The following GPR158 variants were observed in gnomAD, a reference collection of about 807,000 sequenced individuals.
GPR158 encodes the protein metabotropic glycine receptor.
GPR158 carries 30 observed loss-of-function variants against 78.2 expected under a neutral mutation model. The ratio of observed to expected loss-of-function variants is 0.38; its 90% CI spans 0.29 to 0.52. The LOEUF is 0.52. Among genes scored for constraint, GPR158 ranks in the 20% least tolerant of loss-of-function variants. The pLI, the probability that GPR158 is intolerant of heterozygous loss-of-function variation, is 0.83. For missense variants in GPR158, 1,463 were observed against 1,523.5 expected, an observed-to-expected ratio of 0.96 and a Z score of 0.66; for synonymous variants, 581 against 591.1, an observed-to-expected ratio of 0.98 and a Z score of 0.25.
intron 4 of GPR158, among the ~76,000 whole-genome samples, chr10:25,438,297 C>T (rs1205303799): frequency 6.6e-6 from 1 of 152,018 alleles, no homozygotes; most frequent in African/African-American, 2.4e-5. Flanking sequence ...TACTGAAAGC[C>T]CAGATCGGGT....
intron 2 of GPR158, among the ~76,000 whole-genome samples, chr10:25,315,537 TG>T (rs560792783): frequency 6.6e-6 from 1 of 152,276 alleles, no homozygotes; most frequent in South Asian, 2.1e-4. Context: ...TGAACTAAAT[TG>T]AAAAATTTGG....
chr10:25,237,058 C>G (rs973429368), intron 2 of GPR158, among the ~76,000 whole-genome samples: 1 of 152,112 alleles, frequency 6.6e-6, no homozygotes, highest in Non-Finnish European at 1.5e-5. Flanking sequence ...CCGGAGTGAT[C>G]GATTGCTAAT....
At chr10:25,509,646 A>G (rs1320025883) in intron 5 of GPR158, among the ~76,000 whole-genome samples, 1 of 152,220 alleles carries the variant, frequency 6.6e-6, no homozygotes, top group Non-Finnish European at 1.5e-5. Flanking sequence ...AAACATGCCC[A>G]TGTTCAAAGG....
intron 5 of GPR158, among the ~76,000 whole-genome samples, chr10:25,472,572 A>G (rs1290645300): frequency 1.3e-5 from 2 of 152,140 alleles, no homozygotes; most frequent in African/African-American, 2.4e-5. Flanking sequence ...CATTTTCACG[A>G]TATTGACTCT....
chr10:25,192,698 G>T (rs1364575823), intron 1 of GPR158, among the ~76,000 whole-genome samples: 2 of 151,774 alleles, frequency 1.3e-5, no homozygotes, highest in Non-Finnish European at 2.9e-5. Context: ...TCCGATTTAT[G>T]ATGGTTCTAC....
chr10:25,391,280 A>G (rs991185438), intron 2 of GPR158, among the ~76,000 whole-genome samples: 1 of 152,162 alleles, frequency 6.6e-6, no homozygotes, highest in Admixed American at 6.5e-5. Flanking sequence ...CTGTGAGAAG[A>G]GGACCACCAT....
chr10:25,368,772 C>T (rs1833943457), intron 2 of GPR158, among the ~76,000 whole-genome samples: 2 of 50,364 alleles, frequency 4.0e-5, no homozygotes, highest in African/African-American at 1.8e-4. Context: ...GCAGTATGGC[C>T]ATTTTCATAT....
intron 10 of GPR158, among the ~76,000 whole-genome samples, chr10:25,597,417 A>G (rs966736916): frequency 6.6e-6 from 1 of 152,232 alleles, no homozygotes; most frequent in African/African-American, 2.4e-5. Flanking sequence ...TCCTTGATGC[A>G]AGGTTAGAAT....
At chr10:25,357,054 G>A (rs1588821172) in intron 2 of GPR158, among the ~76,000 whole-genome samples, 1 of 152,066 alleles carries the variant, frequency 6.6e-6, no homozygotes, top group South Asian at 2.1e-4. Flanking sequence ...TGGAGCAAAG[G>A]TGATGCTTGT....
chr10:25,459,379 G>T (rs2130610135), intron 4 of GPR158, among the ~76,000 whole-genome samples: 1 of 152,046 alleles, frequency 6.6e-6, no homozygotes, highest in South Asian at 2.1e-4. Flanking sequence ...TAGTTCTATT[G>T]CTCTCTCATA....
At chr10:25,268,476 T>C (rs553007765) in intron 2 of GPR158, among the ~76,000 whole-genome samples, 3 of 152,248 alleles carry the variant, frequency 2.0e-5, no homozygotes, top group South Asian at 2.1e-4. Flanking sequence ...TTGAGTTATA[T>C]ATGTGGAATT....
chr10:25,378,074 T>C (rs1205971416), intron 2 of GPR158, among the ~76,000 whole-genome samples: 1 of 152,142 alleles, frequency 6.6e-6, no homozygotes, highest in East Asian at 1.9e-4. Context: ...AGGTGTGAAG[T>C]AGTATCTCAT....
intron 5 of GPR158, among the ~76,000 whole-genome samples, chr10:25,474,282 TAA>T (rs1835550405): frequency 6.6e-6 from 1 of 152,114 alleles, no homozygotes; most frequent in Admixed American, 6.6e-5. Flanking sequence ...TGTAAAATAA[TAA>T]GTCAATGTTG....
intron 2 of GPR158, among the ~76,000 whole-genome samples, chr10:25,320,501 G>A (rs1339597713): frequency 6.6e-6 from 1 of 152,164 alleles, no homozygotes. Context: ...AAATCACATT[G>A]AGATGGCCTT....
intron 2 of GPR158, among the ~76,000 whole-genome samples, chr10:25,365,037 T>C (rs1855697886): frequency 6.6e-6 from 1 of 151,662 alleles, no homozygotes; most frequent in Non-Finnish European, 1.5e-5. Context: ...CTAAAGTACT[T>C]GAAAACATTT....
At chr10:25,433,584 C>T (rs929783717) in intron 4 of GPR158, among the ~76,000 whole-genome samples, 12 of 139,250 alleles carry the variant, frequency 8.6e-5, no homozygotes, top group East Asian at 2.0e-4. Context: ...CGCGCGCGTG[C>T]GCGTGCGCAT....
At chr10:25,587,238 G>A (rs531342453) in intron 7 of GPR158, among the ~76,000 whole-genome samples, 1 of 152,218 alleles carries the variant, frequency 6.6e-6, no homozygotes, top group South Asian at 2.1e-4. Flanking sequence ...TCCTGAAAAA[G>A]GAACTCAGAT....
At chr10:25,527,805 C>G (rs937549915) in intron 5 of GPR158, among the ~76,000 whole-genome samples, 1 of 151,316 alleles carries the variant, frequency 6.6e-6, no homozygotes, top group African/African-American at 2.4e-5. Flanking sequence ...CAAGACTGAT[C>G]AAGAAAAAAA....
intron 5 of GPR158, among the ~76,000 whole-genome samples, chr10:25,485,068 G>A (rs2987834): frequency 0.51 from 78,031 of 151,638 alleles, 20,293 homozygotes; most frequent in East Asian, 0.8. Flanking sequence ...CTAAGAATAT[G>A]CGAAATACCT....
Sources: gnomAD v4.1 joint callset for allele counts (sites outside exome capture counted in the v4.1 genomes callset) on GRCh38, gnomAD v4.1.1 for gene constraint, MANE v1.5 for transcripts, NCBI Gene and HGNC (gene_info 2026-07-23, HGNC 2026-07-21) for gene names.